The following KAZN variants were observed in gnomAD, a reference collection of about 807,000 sequenced individuals.
KAZN encodes kazrin, periplakin interacting protein, also known as kazrin.
Under a neutral mutation model 87.4 loss-of-function variants are expected in KAZN, and 40 were observed. That is an observed-to-expected ratio of 0.46 (90% CI 0.36 to 0.60). KAZN has a LOEUF of 0.60. Among genes scored for constraint, KAZN ranks in the 20% least tolerant of loss-of-function variants. The probability of loss-of-function intolerance (pLI) is 0.00; values close to 1 mark genes in which losing one functional copy is unlikely to be tolerated. For missense variants in KAZN, 898 were observed against 1,073.9 expected, an observed-to-expected ratio of 0.84 and a Z score of 2.29; for synonymous variants, 466 against 458.3, an observed-to-expected ratio of 1.02 and a Z score of -0.22.
At chr1:14,956,299 GAAAAAAAA>G (rs35057453) in intron 1 of KAZN, among the ~76,000 whole-genome samples, 2 of 99,592 alleles carry the variant, frequency 2.0e-5, no homozygotes, top group African/African-American at 4.5e-5. Flanking sequence ...AGAAGTCACT[GAAAAAAAA>G]AAAAAAAAAA....
At chr1:14,607,740 AC>A (rs1372361936) in intron 1 of KAZN, among the ~76,000 whole-genome samples, 1 of 151,972 alleles carries the variant, frequency 6.6e-6, no homozygotes, top group Non-Finnish European at 1.5e-5. Flanking sequence ...TGACTTTCCT[AC>A]CTTTATGGGA....
intron 2 of KAZN, among the ~76,000 whole-genome samples, chr1:14,329,464 T>G (rs1309281718): frequency 6.6e-6 from 1 of 152,170 alleles, no homozygotes; most frequent in Non-Finnish European, 1.5e-5. Context: ...CTATACCGCT[T>G]CATAGGAAGA....
intron 2 of KAZN, among the ~76,000 whole-genome samples, chr1:14,237,133 T>C (rs12048373): frequency 0.31 from 46,545 of 151,980 alleles, 7,317 homozygotes; most frequent in East Asian, 0.48. Flanking sequence ...TTAAGGTTCA[T>C]CTTTAAGGGA....
chr1:13,893,389 A>G, exon 1 of KAZN: 1 of 336,590 alleles, frequency 3.0e-6, no homozygotes. Context: ...GGTTAGGGGG[A>G]AACTTAGATT....
chr1:13,958,573 C>CAAA (rs34636758), intron 1 of KAZN, among the ~76,000 whole-genome samples: 3 of 131,930 alleles, frequency 2.3e-5, no homozygotes, highest in East Asian at 2.2e-4. Context: ...GACTCCATCT[C>CAAA]AAAAAAAAAA....
intron 1 of KAZN, among the ~76,000 whole-genome samples, chr1:14,898,488 C>T (rs1194096705): frequency 6.6e-6 from 1 of 152,088 alleles, no homozygotes; most frequent in Non-Finnish European, 1.5e-5. Flanking sequence ...GGGTTGGGGT[C>T]AGGAAGCTGA....
At chr1:13,999,367 C>CA (rs146223464) in intron 1 of KAZN, among the ~76,000 whole-genome samples, 1 of 141,132 alleles carries the variant, frequency 7.1e-6, no homozygotes, top group Non-Finnish European at 1.5e-5. Context: ...AAACAAAAAA[C>CA]AAAAAACAAA....
intron 2 of KAZN, among the ~76,000 whole-genome samples, chr1:14,326,473 C>T (rs931337663): frequency 4.6e-5 from 7 of 152,210 alleles, no homozygotes; most frequent in African/African-American, 1.2e-4. Flanking sequence ...CCATCCTTGC[C>T]GTTGACTCTC....
chr1:14,283,814 A>T (rs969492388), intron 2 of KAZN, among the ~76,000 whole-genome samples: 8 of 152,222 alleles, frequency 5.3e-5, no homozygotes, highest in Admixed American at 3.9e-4. Flanking sequence ...AAATGTTTAT[A>T]GCAGCATTTC....
chr1:13,931,446 G>GT (rs1640505948), intron 1 of KAZN, among the ~76,000 whole-genome samples: 1 of 98,932 alleles, frequency 1.0e-5, no homozygotes, highest in African/African-American at 3.7e-5. Context: ...TCAGCCAGAG[G>GT]GGTGTGTGTG....
chr1:13,957,186 C>A (rs1641581355), intron 1 of KAZN, among the ~76,000 whole-genome samples: 1 of 152,156 alleles, frequency 6.6e-6, no homozygotes, highest in African/African-American at 2.4e-5. Flanking sequence ...TGGCCAATGA[C>A]TAGCCTGACC....
rs201064638 is a variant in KAZN, at chr1:14,093,656, G to GA, written c.92-86770dup. ...CTGAGTATTTGAGTCTAAGTCTGCT[G>GA]AAAAAAAAACAAAAACAAAACTGAC... is the stretch of plus-strand genomic sequence containing the variant. On this transcript the variant is annotated intron_variant, in intron 1 of 16. Transcript: ENST00000636203. Among the ~76,000 whole-genome samples the GA allele has an allele frequency of 4.8e-3, 703 of 146,556 alleles. 5 individuals are homozygous for GA. The highest frequency in any genetic ancestry group is 6.4e-3 in the Non-Finnish European group (427 of 66,364).
intron 2 of KAZN, among the ~76,000 whole-genome samples, chr1:14,252,448 C>G (rs1650131051): frequency 6.6e-6 from 1 of 152,190 alleles, no homozygotes; most frequent in Non-Finnish European, 1.5e-5. Flanking sequence ...ATGAATTGCA[C>G]TGGCTTCCTG....
intron 1 of KAZN, among the ~76,000 whole-genome samples, chr1:14,094,942 G>T (rs1002999086): frequency 3.3e-5 from 5 of 152,150 alleles, no homozygotes; most frequent in African/African-American, 1.2e-4. Context: ...CCTGCATTTG[G>T]GGGCCGCAAT....
At chr1:14,498,925 C>T (rs550141900) in intron 2 of KAZN, among the ~76,000 whole-genome samples, 3 of 152,152 alleles carry the variant, frequency 2.0e-5, no homozygotes, top group Non-Finnish European at 4.4e-5. Flanking sequence ...GTAACAGCTT[C>T]CCACTCTTGC....
At chr1:14,723,970 G>T (rs145012944) in intron 1 of KAZN, among the ~76,000 whole-genome samples, 4 of 152,140 alleles carry the variant, frequency 2.6e-5, no homozygotes, top group Non-Finnish European at 2.9e-5. Flanking sequence ...GACGTCCACC[G>T]AATATGGCAG....
rs951750141 is a variant in KAZN at position 14,219,381 on chromosome 1, T to C, written c.249+38789T>C. Among the ~76,000 whole-genome samples the C allele has an allele frequency of 9.2e-5, 14 of 152,186 alleles. 1 individual carries two copies. Among genetic ancestry groups the C allele is most frequent in the African/African-American group, 3.1e-4 (13 of 41,454 alleles). On this transcript the variant is annotated intron_variant, in intron 2 of 16. Transcript: ENST00000636203. ...TCATGGTTACAAAGTGTTGACCTTA[T>C]AATAGTTTATTAAACTAAGCATTTA...
chr1:14,933,375 GACCC>G (rs1176120042), intron 1 of KAZN, among the ~76,000 whole-genome samples: 1 of 152,112 alleles, frequency 6.6e-6, no homozygotes, highest in Non-Finnish European at 1.5e-5. Flanking sequence ...TTACAAGTGT[GACCC>G]ACCATGCCCG....
intron 1 of KAZN, among the ~76,000 whole-genome samples, chr1:14,658,994 T>C (rs963241601): frequency 1.7e-4 from 26 of 152,190 alleles, no homozygotes; most frequent in Non-Finnish European, 2.9e-4. Context: ...ATCTCAGCAC[T>C]TCAAGAGGCC....
Sources: gnomAD v4.1 joint callset for allele counts (sites outside exome capture counted in the v4.1 genomes callset) on GRCh38, gnomAD v4.1.1 for gene constraint, MANE v1.5 for transcripts, NCBI Gene and HGNC (gene_info 2026-07-23, HGNC 2026-07-21) for gene names.